Variants in CSMD1 observed in about 807,000 individuals in gnomAD.
CSMD1 encodes CUB and Sushi multiple domains 1, also known as CUB and sushi domain-containing protein 1.
Under a neutral mutation model 417.5 loss-of-function variants are expected in CSMD1, and 213 were observed. That is an observed-to-expected ratio of 0.51 (90% CI 0.46 to 0.57). CSMD1 has a LOEUF of 0.57. Among genes scored for constraint, CSMD1 ranks in the 20% least tolerant of loss-of-function variants. CSMD1 has a pLI of 0.00. For synonymous variants in CSMD1, 2,862 were observed against 1,736.8 expected (o/e 1.65, Z -16.11); for missense variants, 6,923 against 4,529.7 (o/e 1.53, Z -15.17).
intron 5 of CSMD1, among the ~76,000 whole-genome samples, chr8:3,810,880 C>A (rs1278819905): frequency 6.6e-6 from 1 of 152,108 alleles, no homozygotes; most frequent in Non-Finnish European, 1.5e-5. Flanking sequence ...TAAACGCAGG[C>A]ATTTTCACCC....
chr8:3,807,065 T>C (rs916574454), intron 5 of CSMD1, among the ~76,000 whole-genome samples: 1 of 152,130 alleles, frequency 6.6e-6, no homozygotes, highest in Non-Finnish European at 1.5e-5. Context: ...AGCTTAATTA[T>C]TACTATCCAT....
At chr8:3,824,837 TA>T (rs1194471278) in intron 5 of CSMD1, among the ~76,000 whole-genome samples, 1 of 152,080 alleles carries the variant, frequency 6.6e-6, no homozygotes, top group Non-Finnish European at 1.5e-5. Context: ...AGGATTTCAA[TA>T]AAATGACACA....
chr8:4,804,392 C>T (rs541122377), intron 1 of CSMD1, among the ~76,000 whole-genome samples: 3 of 151,668 alleles, frequency 2.0e-5, no homozygotes, highest in Admixed American at 6.6e-5. Flanking sequence ...TTTTAAGACG[C>T]CAAATTACAA....
In CSMD1 at chr8:2,949,242, C is replaced by G. The variant is rs1802456307; in HGVS notation, c.10402+57G>C. On this transcript the variant is annotated intron_variant, in intron 68 of 69. Transcript: ENST00000635120. ...CGTCTTTTCCATTTCTTCTTAGAAA[C>G]ATCATTGGAAAGCCAAACTGATATT... The G allele has an allele frequency of 5.7e-6, 5 of 875,994 alleles. No homozygotes were observed. The South Asian group carries it at 7.4e-5, about 13-fold the overall frequency. 54.3% of individuals were successfully genotyped at this position (875,994 alleles called of 1,614,324 possible).
rs1219599801 is a variant in CSMD1 at position 3,096,938 on chromosome 8, C to T, written c.7049G>A (p.Ser2350Asn). 6.4e-7 allele frequency: 1 copy of T among 1,556,098 alleles called. No individual in the cohort carries two copies. Among genetic ancestry groups the T allele is most frequent in the Non-Finnish European group, 8.7e-7 (1 of 1,148,710 alleles). The change falls in exon 47 of 70, where the codon AGT becomes AAT. Residue 2350 changes from serine (S) to asparagine (N), a missense_variant. By Grantham distance (46) the Ser-to-Asn change is conservative. Transcript: ENST00000635120. ...GTTGTAGTTTGGTTCCACTTTAATACTCCAAGAGCAAGTCTGGGAGTTAAA... is the reference window on the plus strand; with the variant it reads ...GTTGTAGTTTGGTTCCACTTTAATATTCCAAGAGCAAGTCTGGGAGTTAAA... The part of the protein sequence containing the change: ...NYFNSQTCSW[S>N]IKVEPNYNIT...
intron 23 of CSMD1, among the ~76,000 whole-genome samples, chr8:3,332,297 G>C (rs1006625502): frequency 6.6e-6 from 1 of 152,232 alleles, no homozygotes; most frequent in African/African-American, 2.4e-5. Context: ...ATGTGAATAA[G>C]ACCCTCTTGT....
chr8:4,781,157 G>A (rs971261376), intron 1 of CSMD1, among the ~76,000 whole-genome samples: 2 of 152,184 alleles, frequency 1.3e-5, no homozygotes, highest in African/African-American at 4.8e-5. Context: ...CATAGTGGCT[G>A]TGCTTTGTGC....
intron 1 of CSMD1, among the ~76,000 whole-genome samples, chr8:4,981,992 CA>C (rs1187234693): frequency 4.6e-5 from 7 of 152,108 alleles, no homozygotes; most frequent in Non-Finnish European, 8.8e-5. Flanking sequence ...AAACTCTGGC[CA>C]AAAGCCAGCA....
chr8:3,981,982 T>C (rs1813905920), intron 5 of CSMD1, among the ~76,000 whole-genome samples: 1 of 151,802 alleles, frequency 6.6e-6, no homozygotes, highest in East Asian at 1.9e-4. Flanking sequence ...CCATCCTGGC[T>C]AACACGGTGA....
chr8:4,115,967 TA>T (rs1391592618), intron 3 of CSMD1, among the ~76,000 whole-genome samples: 23 of 596 alleles, frequency 0.039, no homozygotes, highest in East Asian at 0.19. Context: ...TTCATTATTT[TA>T]TTTATTTATT....
rs1281750176 is a variant in CSMD1 at position 4,434,793 on chromosome 8, C to T, written c.303-14728G>A. Reference sequence around the variant, plus strand: ...CACCCTTTCCACACTCCAGACCCTGCACCGCCCATGAAGCCCTACTTCACC... The same window carrying T: ...CACCCTTTCCACACTCCAGACCCTGTACCGCCCATGAAGCCCTACTTCACC... On this transcript the variant is annotated intron_variant, in intron 2 of 69. Transcript: ENST00000635120. 3.9e-5 allele frequency among the ~76,000 whole-genome samples: 6 copies of T among 152,168 alleles called. No homozygotes were observed. The East Asian group carries it at 1.2e-3, about 29-fold the overall frequency.
chr8:4,901,230 C>T (rs777338384), intron 1 of CSMD1, among the ~76,000 whole-genome samples: 1 of 152,176 alleles, frequency 6.6e-6, no homozygotes, highest in Admixed American at 6.5e-5. Context: ...ATATTTCAGA[C>T]GCTTCCTCAA....
At chr8:3,758,065 G>A (rs1005308021) in intron 5 of CSMD1, among the ~76,000 whole-genome samples, 3 of 152,102 alleles carry the variant, frequency 2.0e-5, no homozygotes, top group African/African-American at 7.2e-5. Context: ...CCAGGTTCAA[G>A]TGATTCTCCT....
At chr8:4,767,716 C>T (rs1812559959) in intron 1 of CSMD1, among the ~76,000 whole-genome samples, 1 of 152,196 alleles carries the variant, frequency 6.6e-6, no homozygotes, top group Admixed American at 6.5e-5. Flanking sequence ...CTGGATGAAA[C>T]ACCACTTCTG....
chr8:3,704,095 G>A, intron 7 of CSMD1, among the ~76,000 whole-genome samples: 1 of 152,118 alleles, frequency 6.6e-6, no homozygotes, highest in African/African-American at 2.4e-5. Flanking sequence ...AAAAAACTTA[G>A]CTCTCTTAAG....
chr8:4,271,512 G>C (rs1250123211), intron 3 of CSMD1, among the ~76,000 whole-genome samples: 1 of 151,490 alleles, frequency 6.6e-6, no homozygotes, highest in Non-Finnish European at 1.5e-5. Context: ...AAAATCAGGA[G>C]ATCTAAAATG....
intron 3 of CSMD1, among the ~76,000 whole-genome samples, chr8:4,333,236 G>A (rs568742546): frequency 6.6e-6 from 1 of 152,216 alleles, no homozygotes; most frequent in Non-Finnish European, 1.5e-5. Flanking sequence ...CCTGCCTAGT[G>A]ACCCTGGACA....
At chr8:3,993,240 C>A (rs1169227768) in intron 5 of CSMD1, among the ~76,000 whole-genome samples, 1 of 152,158 alleles carries the variant, frequency 6.6e-6, no homozygotes, top group African/African-American at 2.4e-5. Context: ...AAAATGAATT[C>A]AAAATAATAA....
chr8:4,154,716 G>T (rs932295481), intron 3 of CSMD1, among the ~76,000 whole-genome samples: 1 of 152,212 alleles, frequency 6.6e-6, no homozygotes, highest in South Asian at 2.1e-4. Flanking sequence ...AAGAGATCAT[G>T]TTTGTAGACC....
Sources: allele counts gnomAD v4.1 joint callset (sites outside exome capture counted in the v4.1 genomes callset), GRCh38; gene constraint gnomAD v4.1.1; transcripts MANE v1.5; gene names NCBI Gene and HGNC (gene_info 2026-07-23, HGNC 2026-07-21).